Variants in THSD7B observed in about 807,000 individuals in gnomAD.
THSD7B encodes thrombospondin type 1 domain containing 7B, also known as thrombospondin type-1 domain-containing protein 7B.
In THSD7B, 138 loss-of-function variants were observed where a neutral mutation model predicts 213.6. The ratio of observed to expected loss-of-function variants is 0.65; its 90% CI spans 0.56 to 0.74. THSD7B has a LOEUF of 0.74. THSD7B is among the 30% of genes least tolerant of loss of function. The pLI, the probability that THSD7B is intolerant of heterozygous loss-of-function variation, is 0.00. For missense variants in THSD7B, 1,931 were observed against 1,991.5 expected (o/e 0.97, Z 0.58); for synonymous variants, 742 against 687.0 (o/e 1.08, Z -1.25).
intron 17 of THSD7B, among the ~76,000 whole-genome samples, chr2:137,592,673 T>C (rs955547719): frequency 5.9e-5 from 9 of 151,952 alleles, no homozygotes; most frequent in African/African-American, 2.2e-4. Flanking sequence ...ATGTTTATTT[T>C]CTGTTTCAAT....
Position 137,616,329 on chromosome 2 carries a change from T to C in THSD7B, c.3565+13T>C. 1 of 1,608,204 alleles carries C rather than the reference T, an allele frequency of 6.2e-7. No individual in the cohort carries two copies. On this transcript the variant is annotated intron_variant, in intron 18 of 27. Coordinates refer to ENST00000409968, the MANE Select transcript of THSD7B (RefSeq NM_001316349.2). ...TACAATCTAACAGGTACAGTTAAAA[T>C]CTATGACCTTGTCGTTCTCCCTGAA...
chr2:137,160,063 A>G (rs2104983991), intron 5 of THSD7B, 150 bp from the exon 6 acceptor site: 1 of 921,634 alleles, frequency 1.1e-6, no homozygotes, highest in South Asian at 2.5e-5. Context: ...AAGCTAAACA[A>G]CACATATTAG....
intron 15 of THSD7B, among the ~76,000 whole-genome samples, chr2:137,532,750 A>G (rs564651058): frequency 2.8e-4 from 42 of 151,832 alleles, no homozygotes; most frequent in African/African-American, 9.6e-4. Context: ...CCCACTTTTA[A>G]GTTTTTAATA....
chr2:137,625,039 G>A (rs1031959617), intron 20 of THSD7B, among the ~76,000 whole-genome samples: 1 of 152,008 alleles, frequency 6.6e-6, no homozygotes, highest in Admixed American at 6.6e-5. Flanking sequence ...TGTTTATTGT[G>A]GCACTATTCA....
chr2:137,517,334 G>A (rs1027161148), intron 15 of THSD7B, among the ~76,000 whole-genome samples: 1 of 152,234 alleles, frequency 6.6e-6, no homozygotes, highest in African/African-American at 2.4e-5. Flanking sequence ...TGAGCAAGAA[G>A]TAACAAACAC....
chr2:137,276,030 T>G lies in THSD7B; in HGVS notation c.2500+4T>G, dbSNP rs1682863019. The G allele has an allele frequency of 6.2e-7, 1 of 1,604,774 alleles. No individual in the cohort carries two copies. The highest frequency in any genetic ancestry group is 1.3e-5 in the African/African-American group (1 of 74,578). ...GGAAAGGGGTTACAAACAAGAGGTA[T>G]GATGATTTTTACATAGTTTTTTTTT... On this transcript the variant is annotated splice_donor_region_variant and intron_variant, in intron 12 of 27. Coordinates refer to ENST00000409968, the MANE Select transcript of THSD7B (RefSeq NM_001316349.2).
At chr2:136,929,037 C>T (rs1411035003) in intron 2 of THSD7B, among the ~76,000 whole-genome samples, 8 of 152,100 alleles carry the variant, frequency 5.3e-5, no homozygotes, top group Admixed American at 5.2e-4. Context: ...TCCTGCTGTA[C>T]TGTAAATGTA....
intron 5 of THSD7B, among the ~76,000 whole-genome samples, chr2:137,140,538 G>T (rs1679559763): frequency 2.6e-5 from 4 of 152,072 alleles, no homozygotes; most frequent in Admixed American, 1.3e-4. Context: ...TTCATTAACA[G>T]TGTCTAAGCT....
At chr2:137,588,285 GTGAGGTGA>G (rs1337461387) in intron 17 of THSD7B, among the ~76,000 whole-genome samples, 2 of 152,138 alleles carry the variant, frequency 1.3e-5, no homozygotes, top group Non-Finnish European at 2.9e-5. Flanking sequence ...TGCTTCCCAG[GTGAGGTGA>G]TGCCTTACCC....
At chr2:137,489,050 A>C (rs1688542529) in intron 15 of THSD7B, among the ~76,000 whole-genome samples, 1 of 152,222 alleles carries the variant, frequency 6.6e-6, no homozygotes, top group Non-Finnish European at 1.5e-5. Context: ...GAAGAACTTA[A>C]TATTTTTTTC....
intron 2 of THSD7B, among the ~76,000 whole-genome samples, chr2:136,893,503 A>G (rs1022681320): frequency 7.4e-5 from 9 of 122,418 alleles, no homozygotes; most frequent in South Asian, 4.6e-4. Context: ...AACAAAGGTC[A>G]GAGTTCAAAA....
chr2:137,242,591 C>T lies in THSD7B; in HGVS notation c.2266+19C>T. 2 of 1,576,724 alleles carry T rather than the reference C, an allele frequency of 1.3e-6. No homozygotes were observed. Among genetic ancestry groups the T allele is most frequent in the Non-Finnish European group, 1.7e-6 (2 of 1,146,788 alleles). ...CAAGCAGGTAGGTGGATGCTGCGTTCTTAGTTCTTTCTTCCCTAACCTGAT... is the reference window on the plus strand; with the variant it reads ...CAAGCAGGTAGGTGGATGCTGCGTTTTTAGTTCTTTCTTCCCTAACCTGAT... On this transcript the variant is annotated intron_variant, in intron 10 of 27. Coordinates refer to ENST00000409968, the MANE Select transcript of THSD7B (RefSeq NM_001316349.2).
chr2:136,813,855 A>G (rs1292425078), intron 1 of THSD7B, among the ~76,000 whole-genome samples: 4 of 152,204 alleles, frequency 2.6e-5, no homozygotes, highest in Non-Finnish European at 5.9e-5. Context: ...TCCTGTTTAT[A>G]GAGCGCTTTT....
chr2:137,667,212 T>C (rs1481011473), intron 26 of THSD7B, among the ~76,000 whole-genome samples: 1 of 152,188 alleles, frequency 6.6e-6, no homozygotes, highest in Non-Finnish European at 1.5e-5. Context: ...ATTACCAGTG[T>C]TTGTTTGGTA....
At chr2:137,615,924 G>A (rs942508409) in intron 17 of THSD7B, among the ~76,000 whole-genome samples, 7 of 152,080 alleles carry the variant, frequency 4.6e-5, no homozygotes, top group South Asian at 4.1e-4. Flanking sequence ...TAGTCTCCGT[G>A]TGCTTAATTA....
At chr2:137,191,206 A>G (rs374694756) in intron 7 of THSD7B, among the ~76,000 whole-genome samples, 1 of 152,182 alleles carries the variant, frequency 6.6e-6, no homozygotes, top group Non-Finnish European at 1.5e-5. Flanking sequence ...TTCATCAAGT[A>G]TGAATTCAAC....
At chr2:137,182,819 G>A (rs770575430) in intron 7 of THSD7B, among the ~76,000 whole-genome samples, 80 of 152,092 alleles carry the variant, frequency 5.3e-4, no homozygotes, top group Non-Finnish European at 1.0e-3. Flanking sequence ...TGCTAGGTGT[G>A]TGACTTTGAG....
chr2:137,660,739 C>T (rs958117504), intron 25 of THSD7B, among the ~76,000 whole-genome samples: 3 of 152,112 alleles, frequency 2.0e-5, no homozygotes, highest in African/African-American at 7.2e-5. Flanking sequence ...AATATGGCTT[C>T]AATAGCTAAG....
At chr2:137,656,302 A>T (rs1049007961) in intron 22 of THSD7B, among the ~76,000 whole-genome samples, 1 of 152,094 alleles carries the variant, frequency 6.6e-6, no homozygotes, top group African/African-American at 2.4e-5. Flanking sequence ...TTATATAAAG[A>T]TACATTTATA....
Sources: gnomAD v4.1 joint callset for allele counts (sites outside exome capture counted in the v4.1 genomes callset) on GRCh38, gnomAD v4.1.1 for gene constraint, MANE v1.5 for transcripts, NCBI Gene and HGNC (gene_info 2026-07-23, HGNC 2026-07-21) for gene names.